The following KPNA6 variants were observed in gnomAD, a reference collection of about 807,000 sequenced individuals.
KPNA6 encodes karyopherin subunit alpha 6.
A neutral mutation model predicts 72.0 loss-of-function variants in KPNA6; 9 were observed. That is an observed-to-expected ratio of 0.13 (90% CI 0.08 to 0.22). The LOEUF (loss-of-function observed/expected upper bound fraction) is 0.22, where lower values mean the gene tolerates loss of function less well. KPNA6 is among the 10% of genes least tolerant of loss of function. KPNA6 has a pLI of 1.00. For synonymous variants in KPNA6, 219 were observed against 242.1 expected (o/e 0.90, Z 0.89); for missense variants, 374 against 655.7 (o/e 0.57, Z 4.69).
intron 1 of KPNA6, among the ~76,000 whole-genome samples, chr1:32,141,316 C>T (rs558912279): frequency 6.8e-6 from 1 of 146,588 alleles, no homozygotes; most frequent in Non-Finnish European, 1.5e-5. Flanking sequence ...TAATGTGTGA[C>T]CTGAGTGAGC....
chr1:32,166,130 C>T lies in KPNA6; in HGVS notation c.1016C>T (p.Pro339Leu). 6.2e-7 allele frequency: 1 copy of T among 1,614,020 alleles called. No individual in the cohort carries two copies. The highest frequency in any genetic ancestry group is 1.1e-5 in the South Asian group (1 of 91,078). ...GTCATTCTTAACTGTTCAGCCCTACCTTGCCTTCTCCACTTGTTGAGCAGT... is the reference window on the plus strand; with the variant it reads ...GTCATTCTTAACTGTTCAGCCCTACTTTGCCTTCTCCACTTGTTGAGCAGT... ...TQVILNCSAL[P>L]CLLHLLSSPK... Residue 339 changes from proline (P) to leucine (L), a missense_variant, in exon 11 of 14, where the codon CCT (proline) becomes CTT (leucine). Pro to Leu is a moderately conservative substitution (Grantham distance 98, BLOSUM62 -3). Around this residue, in one of 3 missense-constraint regions of KPNA6, gnomAD observed 298 missense variants for 495.4 expected, o/e 0.60. Coordinates refer to ENST00000373625, the MANE Select transcript of KPNA6 (RefSeq NM_012316.5).
At chr1:32,166,033 C>CAAA (rs1190732645) in intron 10 of KPNA6, 72 bp from the exon 11 acceptor site, 2 of 1,408,220 alleles carry the variant, frequency 1.4e-6, no homozygotes, top group African/African-American at 3.0e-5. Context: ...ACAACAACAA[C>CAAA]AACAAAAAAA....
At chr1:32,144,543 T>C (rs2124025731) in intron 1 of KPNA6, among the ~76,000 whole-genome samples, 1 of 152,328 alleles carries the variant, frequency 6.6e-6, no homozygotes, top group Non-Finnish European at 1.5e-5. Flanking sequence ...GCTGCACCAT[T>C]TTCCATTCTT....
At chr1:32,168,950 ATT>A (rs1327290346) in intron 12 of KPNA6, among the ~76,000 whole-genome samples, 1 of 152,210 alleles carries the variant, frequency 6.6e-6, no homozygotes, top group Non-Finnish European at 1.5e-5. Flanking sequence ...CCAAGGAGAC[ATT>A]AGAGGCAAGG....
intron 12 of KPNA6, 148 bp downstream of exon 12, chr1:32,167,444 A>C (rs1444978251): frequency 1.3e-6 from 1 of 780,990 alleles, no homozygotes; most frequent in East Asian, 2.6e-5. Flanking sequence ...AAACTGCTAC[A>C]GTGTCACTAG....
chr1:32,125,041 C>T (rs1461934558), intron 1 of KPNA6, among the ~76,000 whole-genome samples: 2 of 151,744 alleles, frequency 1.3e-5, no homozygotes, highest in South Asian at 2.1e-4. Flanking sequence ...GATGGTGTTC[C>T]ACCGTGTTGC....
intron 1 of KPNA6, among the ~76,000 whole-genome samples, chr1:32,147,264 G>A (rs1473758146): frequency 6.6e-6 from 1 of 151,994 alleles, no homozygotes; most frequent in African/African-American, 2.4e-5. Context: ...CTTGCTTGAC[G>A]GTTTTTCTTT....
chr1:32,134,653 AG>A (rs1376435950), intron 1 of KPNA6, among the ~76,000 whole-genome samples: 46 of 151,622 alleles, frequency 3.0e-4, no homozygotes, highest in African/African-American at 9.9e-4. Context: ...AAAAAAAAAA[AG>A]TGCTATAAAA....
At chr1:32,161,659 G>T (rs1387552852) in intron 7 of KPNA6, among the ~76,000 whole-genome samples, 1 of 152,142 alleles carries the variant, frequency 6.6e-6, no homozygotes, top group Non-Finnish European at 1.5e-5. Flanking sequence ...AGGGTTATGG[G>T]CATGATATAT....
chr1:32,164,555 T>C (rs1370252337), intron 10 of KPNA6, among the ~76,000 whole-genome samples: 2 of 147,204 alleles, frequency 1.4e-5, no homozygotes, highest in Non-Finnish European at 3.0e-5. Context: ...TTCCGTTTTT[T>C]GTTTTTTGTT....
At chr1:32,124,868 G>A (rs554256193) in intron 1 of KPNA6, among the ~76,000 whole-genome samples, 3 of 149,388 alleles carry the variant, frequency 2.0e-5, no homozygotes, top group East Asian at 4.0e-4. Context: ...TTTTTGAGAC[G>A]GAGTTTCACT....
intron 1 of KPNA6, among the ~76,000 whole-genome samples, chr1:32,147,729 G>C (rs190574897): frequency 7.5e-6 from 1 of 132,594 alleles, no homozygotes; most frequent in Admixed American, 9.0e-5. Flanking sequence ...GTACAACCAC[G>C]GCTCACTGCA....
At chr1:32,159,710 T>A (rs1642202352) in intron 6 of KPNA6, among the ~76,000 whole-genome samples, 179 bp downstream of exon 6, 1 of 152,208 alleles carries the variant, frequency 6.6e-6, no homozygotes, top group African/African-American at 2.4e-5. Context: ...GGGGCAGTCT[T>A]GTGGGACTAA....
chr1:32,163,978 T>A (rs1642287124), intron 10 of KPNA6, among the ~76,000 whole-genome samples: 1 of 152,210 alleles, frequency 6.6e-6, no homozygotes, highest in Non-Finnish European at 1.5e-5. Flanking sequence ...TTCACATTGT[T>A]TTTCCGTTAT....
rs1231724300 is a variant in KPNA6 at position 32,167,260 on chromosome 1, C to G, written c.1208C>G (p.Thr403Ser). 6.2e-7 allele frequency: 1 copy of G among 1,614,132 alleles called. No homozygotes were observed. The change falls in exon 12 of 14, where the codon ACC becomes AGC. Residue 403 changes from threonine (T) to serine (S), a missense_variant. Physicochemically the swap from Thr to Ser is moderately conservative, Grantham distance 58 (BLOSUM62 1). This residue lies in a region of KPNA6 where 298 missense variants were observed against 495.4 expected (regional missense o/e 0.60). Coordinates refer to ENST00000373625, the MANE Select transcript of KPNA6 (RefSeq NM_012316.5). ...RTRKEAAWAI[T>S]NATSGGTPEQ... is the part of the protein sequence containing the mutation. ...AGGAAAGAGGCAGCCTGGGCCATCA[C>G]CAATGCCACATCAGGAGGAACCCCT...
At chr1:32,133,175 C>G (rs937030535) in intron 1 of KPNA6, among the ~76,000 whole-genome samples, 1 of 151,718 alleles carries the variant, frequency 6.6e-6, no homozygotes, top group African/African-American at 2.4e-5. Flanking sequence ...GAAACCTCAT[C>G]TCTACAAAAA....
intron 2 of KPNA6, among the ~76,000 whole-genome samples, chr1:32,155,915 A>ATTTTTTT (rs747284319): frequency 1.2e-4 from 13 of 105,052 alleles, no homozygotes; most frequent in East Asian, 2.9e-4. Flanking sequence ...ATTTTTGTGG[A>ATTTTTTT]TTTTTTTTTT....
At chr1:32,152,993 G>C (rs556070858) in intron 1 of KPNA6, among the ~76,000 whole-genome samples, 22 of 144,916 alleles carry the variant, frequency 1.5e-4, no homozygotes, top group African/African-American at 4.8e-4. Context: ...CTCCAGCCTG[G>C]GTGACAGAGT....
chr1:32,153,111 ATATAG>A (rs1287400250), intron 1 of KPNA6, among the ~76,000 whole-genome samples: 22 of 152,024 alleles, frequency 1.4e-4, no homozygotes, highest in African/African-American at 4.8e-4. Flanking sequence ...GATAGAAATC[ATATAG>A]TAGAGAAGAC....
Sources: allele counts gnomAD v4.1 joint callset (sites outside exome capture counted in the v4.1 genomes callset), GRCh38; gene constraint gnomAD v4.1.1; regional missense constraint gnomAD v4.1.1; transcripts MANE v1.5; gene names NCBI Gene and HGNC (gene_info 2026-07-23, HGNC 2026-07-21).